Variants in CTNND2 observed in about 807,000 individuals in gnomAD.
CTNND2 encodes catenin delta-2.
In CTNND2, 22 loss-of-function variants were observed where a neutral mutation model predicts 144.4. The ratio of observed to expected loss-of-function variants is 0.15; its 90% CI spans 0.11 to 0.22. The LOEUF is 0.22. CTNND2 is among the 10% of genes least tolerant of loss of function. The probability of loss-of-function intolerance (pLI) is 1.00; values close to 1 mark genes in which losing one functional copy is unlikely to be tolerated. For synonymous variants in CTNND2, 751 were observed against 695.6 expected (o/e 1.08, Z -1.25); for missense variants, 1,353 against 1,618.8 (o/e 0.84, Z 2.82).
chr5:11,848,488 G>T (rs1338055478), intron 1 of CTNND2, among the ~76,000 whole-genome samples: 1 of 152,148 alleles, frequency 6.6e-6, no homozygotes, highest in African/African-American at 2.4e-5. Flanking sequence ...GTGAATTTGG[G>T]ACTGACTGGT....
intron 2 of CTNND2, among the ~76,000 whole-genome samples, chr5:11,612,766 A>C (rs1780394261): frequency 6.6e-6 from 1 of 152,062 alleles, no homozygotes; most frequent in Non-Finnish European, 1.5e-5. Context: ...CAAGTGTGGG[A>C]GTGCATGCTC....
In CTNND2 at chr5:11,439,718, C is replaced by T. The variant is rs889279561; in HGVS notation, c.288-27649G>A. On this transcript the variant is annotated intron_variant, in intron 3 of 21. Coordinates refer to ENST00000304623, the MANE Select transcript of CTNND2 (RefSeq NM_001332.4). ...ATTCAGGAACTGGGATGTTACTGAG[C>T]TAGCTGCCCTCTCTGCTAGCTATAT... 6.6e-5 allele frequency among the ~76,000 whole-genome samples: 10 copies of T among 151,910 alleles called. No homozygotes were observed. The East Asian group carries it at 1.9e-3, about 29-fold the overall frequency.
At chr5:11,724,019 C>T (rs1453882485) in intron 2 of CTNND2, among the ~76,000 whole-genome samples, 1 of 151,398 alleles carries the variant, frequency 6.6e-6, no homozygotes, top group Non-Finnish European at 1.5e-5. Flanking sequence ...CACACCACTG[C>T]ACTCCAGCCT....
At chr5:11,320,256 G>GA (rs1310562044) in intron 9 of CTNND2, among the ~76,000 whole-genome samples, 2 of 152,170 alleles carry the variant, frequency 1.3e-5, no homozygotes, top group Admixed American at 1.3e-4. Context: ...GTTTTGACAG[G>GA]AAAAAAGTTG....
At chr5:11,253,417 G>T (rs186474972) in intron 9 of CTNND2, among the ~76,000 whole-genome samples, 1 of 152,278 alleles carries the variant, frequency 6.6e-6, no homozygotes, top group African/African-American at 2.4e-5. Flanking sequence ...GAATCATGGG[G>T]CTGTTTCCCC....
intron 9 of CTNND2, among the ~76,000 whole-genome samples, chr5:11,259,198 C>A (rs184342118): frequency 6.6e-6 from 1 of 152,184 alleles, no homozygotes; most frequent in African/African-American, 2.4e-5. Flanking sequence ...GTCTGCCCTG[C>A]AGATTTCAGA....
At chr5:11,441,891 C>T (rs1223111630) in intron 3 of CTNND2, among the ~76,000 whole-genome samples, 1 of 152,182 alleles carries the variant, frequency 6.6e-6, no homozygotes, top group Non-Finnish European at 1.5e-5. Context: ...CCTTAATTAA[C>T]TTACGCTTTT....
At chr5:11,520,634 T>A (rs1417214338) in intron 3 of CTNND2, among the ~76,000 whole-genome samples, 1 of 152,222 alleles carries the variant, frequency 6.6e-6, no homozygotes, top group East Asian at 1.9e-4. Flanking sequence ...ATCTCATTTC[T>A]TTTGAGTCCT....
At position 11,470,954 on chromosome 5, in the gene CTNND2, G is replaced by GTATATATATATATATA. The variant is rs71595821; in HGVS notation, c.288-58901_288-58886dup. Among the ~76,000 whole-genome samples the GTATATATATATATATA allele has an allele frequency of 9.7e-3, 611 of 63,088 alleles. 19 individuals carry two copies. The highest frequency in any genetic ancestry group is 0.024 in the Middle Eastern group (2 of 82). 41.4% of individuals were successfully genotyped at this position (63,088 alleles called of 152,430 possible). On this transcript the variant is annotated intron_variant, in intron 3 of 21. Coordinates refer to ENST00000304623, the MANE Select transcript of CTNND2 (RefSeq NM_001332.4). ...TACTTTAGCTATTATTTGATACAAA[G>GTATATATATATATATA]TATATATATATATATATATATATAT...
intron 17 of CTNND2, among the ~76,000 whole-genome samples, chr5:11,019,318 T>A (rs1741979282): frequency 6.6e-6 from 1 of 152,244 alleles, no homozygotes. Context: ...TTAAATGTGA[T>A]GTTTTGTTGT....
intron 15 of CTNND2, among the ~76,000 whole-genome samples, chr5:11,090,237 A>G (rs1750626701): frequency 6.6e-6 from 1 of 152,174 alleles, no homozygotes; most frequent in Non-Finnish European, 1.5e-5. Flanking sequence ...ATTTCATCTA[A>G]GTTTTTGTGT....
intron 18 of CTNND2, among the ~76,000 whole-genome samples, chr5:11,015,999 G>T (rs852625): frequency 0.59 from 89,135 of 152,116 alleles, 26,884 homozygotes; most frequent in African/African-American, 0.72. Flanking sequence ...AAATGCTTTG[G>T]GAAGGACTTA....
At chr5:11,529,517 C>T (rs187361717) in intron 3 of CTNND2, among the ~76,000 whole-genome samples, 177 of 152,010 alleles carry the variant, frequency 1.2e-3, no homozygotes, top group African/African-American at 3.8e-3. Context: ...GAAAAACTCA[C>T]GGGAAAAAAA....
intron 3 of CTNND2, among the ~76,000 whole-genome samples, chr5:11,498,733 C>T: frequency 6.6e-6 from 1 of 152,180 alleles, no homozygotes; most frequent in East Asian, 1.9e-4. Flanking sequence ...TGCAAAAATG[C>T]TTCCCAATTC....
At chr5:11,661,471 T>C (rs1360719678) in intron 2 of CTNND2, among the ~76,000 whole-genome samples, 2 of 152,182 alleles carry the variant, frequency 1.3e-5, no homozygotes, top group Admixed American at 1.3e-4. Flanking sequence ...TCTGAACTTG[T>C]TTCTCATCTC....
chr5:11,069,950 T>C (rs1193746001), intron 16 of CTNND2, among the ~76,000 whole-genome samples: 1 of 152,196 alleles, frequency 6.6e-6, no homozygotes, highest in Non-Finnish European at 1.5e-5. Flanking sequence ...CATTAGATTA[T>C]CTCAGCCCTC....
intron 2 of CTNND2, among the ~76,000 whole-genome samples, chr5:11,638,207 T>C (rs1781812693): frequency 6.6e-6 from 1 of 152,170 alleles, no homozygotes; most frequent in Non-Finnish European, 1.5e-5. Context: ...GTAATGCATT[T>C]GCCACCGGAC....
intron 3 of CTNND2, among the ~76,000 whole-genome samples, chr5:11,543,534 T>C (rs901506709): frequency 6.6e-5 from 10 of 152,210 alleles, no homozygotes; most frequent in Admixed American, 6.5e-5. Flanking sequence ...GGTCAACTTC[T>C]GTTAAAAGCC....
At chr5:11,891,833 C>T (rs1736987537) in intron 1 of CTNND2, among the ~76,000 whole-genome samples, 1 of 152,190 alleles carries the variant, frequency 6.6e-6, no homozygotes, top group Admixed American at 6.5e-5. Context: ...CTTCCAAAGC[C>T]AGGATGCACT....
Sources: gnomAD v4.1 joint callset for allele counts (sites outside exome capture counted in the v4.1 genomes callset) on GRCh38, gnomAD v4.1.1 for gene constraint, MANE v1.5 for transcripts, NCBI Gene and HGNC (gene_info 2026-07-23, HGNC 2026-07-21) for gene names.